The following DCAF8L2 variants were observed in gnomAD, a reference collection of about 807,000 sequenced individuals.
The protein encoded by DCAF8L2 is DDB1 and CUL4 associated factor 8 like 2, also known as DDB1- and CUL4-associated factor 8-like protein 2.
For synonymous variants in DCAF8L2, 200 were observed against 190.9 expected, an observed-to-expected ratio of 1.05 and a Z score of -0.39; for missense variants, 430 against 490.7, an observed-to-expected ratio of 0.88 and a Z score of 1.17.
the DCAF8L2 span, among the ~76,000 whole-genome samples, chrX:27,533,170 GAAAGAA>G: frequency 0.015 from 193 of 12,577 alleles, 3 homozygotes; most frequent in African/African-American, 0.032. Context: ...GAGAGAGAAA[GAAAGAA>G]AGAAAGAAAG....
chrX:27,728,255 T>G (rs1333409645), intron 4 of DCAF8L2, among the ~76,000 whole-genome samples: 1 of 111,600 alleles, frequency 9.0e-6, no homozygotes, highest in Non-Finnish European at 1.9e-5. Flanking sequence ...TTAACACAAT[T>G]TTTTTACATG....
intron 1 of DCAF8L2, among the ~76,000 whole-genome samples, chrX:27,629,293 T>C (rs1343615626): frequency 2.7e-5 from 3 of 111,906 alleles, no homozygotes; most frequent in Non-Finnish European, 3.8e-5. Flanking sequence ...ATGACAAATG[T>C]GTAGCAACTC....
the DCAF8L2 span, among the ~76,000 whole-genome samples, chrX:27,485,356 A>T: frequency 1.3e-4 from 14 of 111,630 alleles, no homozygotes; most frequent in African/African-American, 3.9e-4. Context: ...TGAAGAAGGG[A>T]TGGTGAAGAA....
At chrX:27,606,747 T>C (rs1926925836) in intron 1 of DCAF8L2, among the ~76,000 whole-genome samples, 1 of 110,939 alleles carries the variant, frequency 9.0e-6, no homozygotes, top group African/African-American at 3.3e-5. Context: ...AATTATTTCC[T>C]ACATGAGTAC....
At chrX:27,536,455 A>G in the DCAF8L2 span, among the ~76,000 whole-genome samples, 1 of 112,254 alleles carries the variant, frequency 8.9e-6, no homozygotes, top group African/African-American at 3.2e-5. Context: ...AATCACCTCT[A>G]AGGAGGATAT....
At chrX:27,485,913 A>G in the DCAF8L2 span, among the ~76,000 whole-genome samples, 1 of 85,195 alleles carries the variant, frequency 1.2e-5, no homozygotes, top group South Asian at 6.8e-4. Context: ...TTGAGCAGGA[A>G]TTCTTTTTCT....
In DCAF8L2 at chrX:27,673,325, C is replaced by T. The variant is rs1171520156; in HGVS notation, c.-219-4511C>T. On this transcript the variant is annotated intron_variant, in intron 2 of 4. Coordinates refer to ENST00000451261, the MANE Select transcript of DCAF8L2 (RefSeq NM_001353450.2). ...GAGTTCAAGACCAGCTTGGCCAACA[C>T]GGCGAAACCCCATCTCTACTAAAAA... Among the ~76,000 whole-genome samples, 5 of 107,569 alleles carry T rather than the reference C, an allele frequency of 4.6e-5. No homozygotes were observed. In the East Asian group the frequency reaches 8.8e-4, roughly 19 times the overall value. 93.4% of individuals were successfully genotyped at this position (107,569 alleles called of 115,157 possible).
rs1325472742 is a variant in DCAF8L2 at position 27,749,845 on chromosome X, A to G, written c.*1054A>G. On this transcript the variant is annotated 3_prime_UTR_variant, in exon 5 of 5. Coordinates refer to ENST00000451261, the MANE Select transcript of DCAF8L2 (RefSeq NM_001353450.2). ...GCTTAAAATTCTCTCTGCTGTTTAA[A>G]TTGCTTTAAAAATTGTTTTATGCCT... Among the ~76,000 whole-genome samples, 1 of 112,505 alleles carries G rather than the reference A, an allele frequency of 8.9e-6. No individual in the cohort carries two copies. Among genetic ancestry groups the G allele is most frequent in the Non-Finnish European group, 1.9e-5 (1 of 53,327 alleles).
In DCAF8L2 at chrX:27,747,380, A is replaced by T. The variant is rs186732901; in HGVS notation, c.485A>T (p.Gln162Leu). 200 of 1,163,992 alleles carry T rather than the reference A, an allele frequency of 1.7e-4. 1 individual carries two copies. The East Asian group carries it at 6.5e-3, about 38-fold the overall frequency. The change falls in exon 5 of 5, where the codon CAG becomes CTG. Residue 162 changes from glutamine to leucine, a missense_variant. By Grantham distance (113) the Gln-to-Leu change is moderately radical (BLOSUM62 -2). Transcript: ENST00000451261. ...CAAGGCAGTGGCGGCAACCATGAGCAGTATTCGTTAGAGGAGGATCAGGCG... is the reference window on the plus strand; with the variant it reads ...CAAGGCAGTGGCGGCAACCATGAGCTGTATTCGTTAGAGGAGGATCAGGCG... ...GPQGSGGNHE[Q>L]YSLEEDQALE...
At chrX:27,508,307 C>T in the DCAF8L2 span, among the ~76,000 whole-genome samples, 1 of 110,794 alleles carries the variant, frequency 9.0e-6, no homozygotes, top group Non-Finnish European at 1.9e-5. Context: ...ACATGAGAAG[C>T]AGGAAAAACT....
the DCAF8L2 span, among the ~76,000 whole-genome samples, chrX:27,508,498 G>A: frequency 9.2e-6 from 1 of 109,063 alleles, no homozygotes; most frequent in East Asian, 2.9e-4. Context: ...AAGGAATACA[G>A]GACAGACAGC....
At chrX:27,557,619 TTCAGAGTATCTCATGTTGGGCTGTAGA>T in the DCAF8L2 span, among the ~76,000 whole-genome samples, 1 of 111,445 alleles carries the variant, frequency 9.0e-6, no homozygotes, top group African/African-American at 3.3e-5. Flanking sequence ...AGTAATGCTT[TTCAGAGTATCTCATGTTGGGCTGTAGA>T]GGTTGTGCCT....
chrX:27,568,493 A>T, the DCAF8L2 span, among the ~76,000 whole-genome samples: 3 of 111,696 alleles, frequency 2.7e-5, no homozygotes, highest in Non-Finnish European at 5.6e-5. Flanking sequence ...TAATGATACT[A>T]CAAATCTATT....
intron 3 of DCAF8L2, among the ~76,000 whole-genome samples, chrX:27,715,153 G>A (rs1350471446): frequency 9.0e-6 from 1 of 110,541 alleles, no homozygotes; most frequent in South Asian, 3.8e-4. Flanking sequence ...AGCACTTTGG[G>A]AGGCCAAGGT....
intron 1 of DCAF8L2, among the ~76,000 whole-genome samples, chrX:27,619,452 G>T (rs916899992): frequency 1.8e-5 from 2 of 111,310 alleles, no homozygotes; most frequent in Non-Finnish European, 3.8e-5. Flanking sequence ...TTGTTACAGG[G>T]ATCTGGGTTT....
At chrX:27,689,389 T>G (rs1930628493) in intron 3 of DCAF8L2, among the ~76,000 whole-genome samples, 1 of 111,649 alleles carries the variant, frequency 9.0e-6, no homozygotes, top group Admixed American at 9.5e-5. Flanking sequence ...GGACTACAGG[T>G]GCACACCACC....
chrX:27,476,455 A>G, the DCAF8L2 span, among the ~76,000 whole-genome samples: 1 of 111,688 alleles, frequency 9.0e-6, no homozygotes, highest in African/African-American at 3.3e-5. Flanking sequence ...GCAATTACCA[A>G]CTTGGTGCAT....
At chrX:27,519,072 G>A in the DCAF8L2 span, 1 of 1,043,954 alleles carries the variant, frequency 9.6e-7, no homozygotes, top group Non-Finnish European at 1.3e-6. Flanking sequence ...AACAGATGAA[G>A]TCTCAGGCTA....
At chrX:27,584,270 C>T in the DCAF8L2 span, among the ~76,000 whole-genome samples, 1 of 110,792 alleles carries the variant, frequency 9.0e-6, no homozygotes, top group East Asian at 2.8e-4. Flanking sequence ...CTTCATTTCA[C>T]CAAACAGAAA....
Sources: allele counts gnomAD v4.1 joint callset (sites outside exome capture counted in the v4.1 genomes callset), GRCh38; gene constraint gnomAD v4.1.1; transcripts MANE v1.5; gene names NCBI Gene and HGNC (gene_info 2026-07-23, HGNC 2026-07-21).